The following TONSL variants were observed in gnomAD, a reference collection of about 807,000 sequenced individuals.
TONSL encodes the protein tonsoku-like protein.
In TONSL, 112 loss-of-function variants were observed where a neutral mutation model predicts 147.1. The ratio of observed to expected loss-of-function variants is 0.76; its 90% confidence interval spans 0.65 to 0.89. The LOEUF is 0.89. Ranked by LOEUF, TONSL falls within the 40% of genes least tolerant of loss-of-function variation. The pLI is 0.00. For synonymous variants in TONSL, 868 were observed against 801.5 expected, an observed-to-expected ratio of 1.08 and a Z score of -1.40; for missense variants, 1,883 against 1,864.6, an observed-to-expected ratio of 1.01 and a Z score of -0.18.
chr8:144,433,571 G>A lies in TONSL; in HGVS notation c.3559+17C>T. The A allele has an allele frequency of 6.2e-7, 1 of 1,612,340 alleles. No individual in the cohort carries two copies. The highest frequency in any genetic ancestry group is 1.7e-5 in the Admixed American group (1 of 59,888). On this transcript the variant is annotated intron_variant, in intron 22 of 25. Transcript: ENST00000409379. ...CCCAGGGCTAGGGAGTGGACAGGGA[G>A]TGCCTGGTCAGCTCACCTTGGAAAG...
chr8:144,436,257 C>T lies in TONSL; in HGVS notation c.2176G>A (p.Ala726Thr), dbSNP rs755832601. The T allele has an allele frequency of 5.9e-6, 9 of 1,530,354 alleles. No individual in the cohort carries two copies. The highest frequency in any genetic ancestry group is 7.9e-6 in the Non-Finnish European group (9 of 1,142,992). The allele number at this position is 1,530,354 out of a possible 1,614,324, so 94.8% of individuals were successfully genotyped here. A position where few individuals can be genotyped will look rare whatever the true frequency, so the allele number is the denominator to read the frequency against. The part of the protein sequence containing the change: ...VRVSPGQAAP[A>T]MARPRRSRHG... ...CTGCTCCTCCGAGGCCTGGCCATGG[C>T]TGGTGCCGCCTGCCCTGGGGAGACC... is the stretch of plus-strand genomic sequence containing the variant. The change falls in exon 17 of 26, where the codon GCC becomes ACC. Residue 726 changes from alanine (A) to threonine (T), a missense_variant. Ala to Thr is a moderately conservative substitution (Grantham distance 58). Transcript: ENST00000409379.
At chr8:144,433,229 G>C (rs1271141244) in intron 22 of TONSL, 5 of 186,898 alleles carry the variant, frequency 2.7e-5, no homozygotes, top group Non-Finnish European at 4.5e-5. Context: ...TACAGGCACC[G>C]GCCACCACGC....
chr8:144,438,706 G>A lies in TONSL; in HGVS notation c.1510C>T (p.Leu504=). 5.6e-6 allele frequency: 9 copies of A among 1,613,256 alleles called. No homozygotes were observed. Among genetic ancestry groups the A allele is most frequent in the Non-Finnish European group, 7.6e-6 (9 of 1,179,948 alleles). The change falls in exon 12 of 26, where the codon CTG becomes TTG. Residue 504 remains leucine (L), a synonymous_variant. Transcript: ENST00000409379. Reference sequence around the variant, plus strand: ...CCCTGAAGCTCCTCGTCCTCCTCCAGCTGCGGGGTCAGGCCATCGGTGTCG... The same window carrying A: ...CCCTGAAGCTCCTCGTCCTCCTCCAACTGCGGGGTCAGGCCATCGGTGTCG... ...EDDTDGLTPQ[L]EEDEELQGHL...
rs1285051052 is a variant in TONSL at position 144,434,664 on chromosome 8, T to C, written c.3085+147A>G. 3.6e-6 allele frequency: 3 copies of C among 838,178 alleles called. No individual in the cohort carries two copies. The East Asian group carries it at 8.2e-5, about 23-fold the overall frequency. 51.9% of individuals were successfully genotyped at this position (838,178 alleles called of 1,614,324 possible). A position where few individuals can be genotyped will look rare whatever the true frequency, so the allele number is the denominator to read the frequency against. ...CTGTCCTCTCCCTTCCACCCACACA[T>C]CCAAGTGCAGGACACAGCACCCACC... is the stretch of plus-strand genomic sequence containing the variant. On this transcript the variant is annotated intron_variant, in intron 20 of 25. Transcript: ENST00000409379.
At chr8:144,439,310 C>G (rs1823610622) in intron 11 of TONSL, among the ~76,000 whole-genome samples, 1 of 152,200 alleles carries the variant, frequency 6.6e-6, no homozygotes, top group African/African-American at 2.4e-5. Flanking sequence ...ACTGTGCCCA[C>G]CAGCTGAGCA....
intron 4 of TONSL, 43 bp from the exon 5 acceptor site, chr8:144,442,849 A>G (rs1417847920): frequency 1.9e-6 from 3 of 1,582,682 alleles, no homozygotes; most frequent in East Asian, 2.2e-5. Context: ...TCCTCCCCAC[A>G]TGGGGTTTCC....
chr8:144,443,867 T>TC lies in TONSL; in HGVS notation c.264+14_264+15insG. ...GGCCGACCGGGCTGGACGAGGCCAG[T>TC]GAGGGCGCCCGCACCTGCAAGGCAG... On this transcript the variant is annotated intron_variant, in intron 3 of 25. Transcript: ENST00000409379. 6.5e-7 allele frequency: 1 copy of TC among 1,543,910 alleles called. No homozygotes were observed. Among genetic ancestry groups the TC allele is most frequent in the Non-Finnish European group, 8.7e-7 (1 of 1,146,474 alleles).
At chr8:144,431,821 T>A (rs1389088317) in intron 23 of TONSL, among the ~76,000 whole-genome samples, 1 of 133,600 alleles carries the variant, frequency 7.5e-6, no homozygotes, top group African/African-American at 2.8e-5. Context: ...CCTGTTTTTT[T>A]CTTTTTCTTT....
chr8:144,435,862 G>T lies in TONSL; in HGVS notation c.2571C>A (p.Arg857=). 6.2e-7 allele frequency: 1 copy of T among 1,607,136 alleles called. No homozygotes were observed. The highest frequency in any genetic ancestry group is 8.5e-7 in the Non-Finnish European group (1 of 1,175,320). The change falls in exon 17 of 26, where the codon CGC becomes CGA. Residue 857 remains arginine, a synonymous_variant. Transcript: ENST00000409379. Reference sequence around the variant, plus strand: ...CCGACCCAGAGGTACTACTGGGCCTGCGGTTGTCTCCAGTGCCCCGGGGGC... The same window carrying T: ...CCGACCCAGAGGTACTACTGGGCCTTCGGTTGTCTCCAGTGCCCCGGGGGC... ...RPRPRGTGDN[R]RPSSTSGSDS...
rs1243048001 is a variant in TONSL at position 144,440,839 on chromosome 8, C to T, written c.1043G>A (p.Gly348Asp). Reference protein sequence around the residue: ...LRFAELLDRPGAERAIIHVSL... With the variant: ...LRFAELLDRPDAERAIIHVSL... ...CACGTGGATGATGGCCCGCTCAGCA[C>T]CCGGTCTGTCCAGCAGCTCAGCAAA... The change falls in exon 9 of 26, where the codon GGT becomes GAT. Residue 348 changes from glycine (G) to aspartate (D), a missense_variant. Physicochemically the swap from Gly to Asp is moderately conservative, Grantham distance 94 (BLOSUM62 -1). Coordinates refer to ENST00000409379, the MANE Select transcript of TONSL (RefSeq NM_013432.5). 6.2e-7 allele frequency: 1 copy of T among 1,612,870 alleles called. No individual in the cohort carries two copies. The highest frequency in any genetic ancestry group is 8.5e-7 in the Non-Finnish European group (1 of 1,179,948).
chr8:144,438,348 G>GTGGCA (rs1455317122), intron 13 of TONSL, 123 bp downstream of exon 13: 16 of 940,002 alleles, frequency 1.7e-5, no homozygotes, highest in Non-Finnish European at 2.6e-5. Flanking sequence ...GTGCCACCAT[G>GTGGCA]CTTGCTAAGG....
chr8:144,440,501 C>T (rs370486853), intron 9 of TONSL, 25 bp from the exon 10 acceptor site: 9 of 1,572,298 alleles, frequency 5.7e-6, no homozygotes, highest in Admixed American at 1.8e-5. Flanking sequence ...AGGACAGGGT[C>T]GGGGGCTGCC....
At chr8:144,438,781 A>G in intron 11 of TONSL, 46 bp from the exon 12 acceptor site, 1 of 1,585,816 alleles carries the variant, frequency 6.3e-7, no homozygotes, top group Non-Finnish European at 8.6e-7. Flanking sequence ...TGGGAGGTGA[A>G]GGTTAGCAGC....
At chr8:144,430,988 C>T in intron 24 of TONSL, 90 bp downstream of exon 24, 1 of 1,440,516 alleles carries the variant, frequency 6.9e-7, no homozygotes, top group Non-Finnish European at 9.7e-7. Context: ...GGAGGAGGAG[C>T]TGGTACCATT....
Position 144,434,955 on chromosome 8 carries a change from A to G in TONSL, c.3006+62T>C, listed in dbSNP as rs1823375010. 8 of 1,611,766 alleles carry G rather than the reference A, an allele frequency of 5.0e-6. No individual in the cohort carries two copies. The East Asian group carries it at 8.9e-5, about 18-fold the overall frequency. ...CTCACCTCATCATTGCTCTGCAGCC[A>G]TGAGCCACCCGGGGGCTCCCGGTGC... On this transcript the variant is annotated intron_variant, in intron 19 of 25. Coordinates refer to ENST00000409379, the MANE Select transcript of TONSL (RefSeq NM_013432.5).
chr8:144,438,566 G>A lies in TONSL; in HGVS notation c.1564-6C>T. 6.2e-7 allele frequency: 1 copy of A among 1,613,156 alleles called. No homozygotes were observed. The highest frequency in any genetic ancestry group is 8.5e-7 in the Non-Finnish European group (1 of 1,179,916). On this transcript the variant is annotated splice_region_variant and splice_polypyrimidine_tract_variant and intron_variant, in intron 12 of 25. Coordinates refer to ENST00000409379, the MANE Select transcript of TONSL (RefSeq NM_013432.5). ...ATGTCGTTTCGCCGGTTCCACTGTG[G>A]GCACAGCCAACCCAGCACAGGGCAG...
At position 144,444,286 on chromosome 8, in the gene TONSL, A is replaced by AAG; in HGVS notation, c.26-13_26-12dup. On this transcript the variant is annotated splice_polypyrimidine_tract_variant and intron_variant, in intron 1 of 25. Coordinates refer to ENST00000409379, the MANE Select transcript of TONSL (RefSeq NM_013432.5). ...TCGCCTTGCTCAGCTCTGTGGGAGG[A>AAG]AGAGGAGGGCTGGGCCTCCGCGGCG... 1 of 1,407,538 alleles carries AAG rather than the reference A, an allele frequency of 7.1e-7. No individual in the cohort carries two copies. The highest frequency in any genetic ancestry group is 1.5e-5 in the South Asian group (1 of 68,072). 87.2% of individuals were successfully genotyped at this position (1,407,538 alleles called of 1,614,324 possible). A position where few individuals can be genotyped will look rare whatever the true frequency, so the allele number is the denominator to read the frequency against.
intron 13 of TONSL, 113 bp from the exon 14 acceptor site, chr8:144,437,212 C>CA (rs1823501261): frequency 9.3e-7 from 1 of 1,070,212 alleles, no homozygotes; most frequent in Non-Finnish European, 1.4e-6. Flanking sequence ...GAGCCCAGAG[C>CA]AAGTCCGTGG....
intron 17 of TONSL, 43 bp from the exon 18 acceptor site, chr8:144,435,593 G>A (rs1823411711): frequency 1.3e-6 from 2 of 1,567,724 alleles, no homozygotes; most frequent in Non-Finnish European, 1.7e-6. Context: ...AGCCACAGTG[G>A]GCTCCACCCT....
Sources: gnomAD v4.1 joint callset for allele counts (sites outside exome capture counted in the v4.1 genomes callset) on GRCh38, gnomAD v4.1.1 for gene constraint, MANE v1.5 for transcripts, NCBI Gene and HGNC (gene_info 2026-07-23, HGNC 2026-07-21) for gene names.